The following EFHC2 variants were observed in gnomAD, a reference collection of about 807,000 sequenced individuals.
EFHC2 encodes the protein EF-hand domain-containing family member C2.
In EFHC2, 18 loss-of-function variants were observed where a neutral mutation model predicts 52.7. The ratio of observed to expected loss-of-function variants is 0.34; its 90% CI spans 0.24 to 0.51. EFHC2 has a LOEUF of 0.51. EFHC2 is among the 20% of genes least tolerant of loss of function. The pLI is 0.97. For synonymous variants in EFHC2, 203 were observed against 204.1 expected, an observed-to-expected ratio of 0.99 and a Z score of 0.04; for missense variants, 513 against 562.5, an observed-to-expected ratio of 0.91 and a Z score of 0.89.
At chrX:44,216,028 C>T (rs7892253) in intron 11 of EFHC2, among the ~76,000 whole-genome samples, 7,232 of 112,046 alleles carry the variant, frequency 0.065, 581 homozygotes, top group African/African-American at 0.22. Context: ...AAGCCATGAC[C>T]TTGAGGCACT....
chrX:44,295,208 A>G (rs1447752064), intron 2 of EFHC2, among the ~76,000 whole-genome samples: 1 of 111,756 alleles, frequency 8.9e-6, no homozygotes, highest in African/African-American at 3.3e-5. Flanking sequence ...GAAGAGTAAT[A>G]AGGGTTTATG....
intron 11 of EFHC2, among the ~76,000 whole-genome samples, chrX:44,217,077 C>A (rs1305537474): frequency 1.8e-5 from 2 of 111,820 alleles, no homozygotes; most frequent in Non-Finnish European, 3.8e-5. Context: ...ATACACATTT[C>A]TCAAAAGAAG....
intron 4 of EFHC2, among the ~76,000 whole-genome samples, chrX:44,256,493 T>C (rs931787436): frequency 1.3e-4 from 14 of 111,619 alleles, no homozygotes; most frequent in African/African-American, 4.6e-4. Context: ...CAAACTACCA[T>C]CAGAGAATAT....
intron 2 of EFHC2, chrX:44,309,426 C>A: frequency 9.5e-7 from 1 of 1,048,253 alleles, no homozygotes; most frequent in South Asian, 1.9e-5. Context: ...GTGAAATATT[C>A]TCCGTAAAGT....
intron 2 of EFHC2, among the ~76,000 whole-genome samples, chrX:44,294,516 A>ATT (rs1569302806): frequency 9.0e-6 from 1 of 111,073 alleles, no homozygotes; most frequent in African/African-American, 3.3e-5. Context: ...TTTTAATGGG[A>ATT]TTTTAATGAT....
chrX:44,263,252 A>G (rs895361443), intron 3 of EFHC2, among the ~76,000 whole-genome samples: 2 of 112,394 alleles, frequency 1.8e-5, no homozygotes, highest in African/African-American at 6.5e-5. Flanking sequence ...AAAGATGTCA[A>G]CCTATCTTCT....
At chrX:44,197,978 G>A (rs769817366) in intron 11 of EFHC2, among the ~76,000 whole-genome samples, 39 of 111,933 alleles carry the variant, frequency 3.5e-4, no homozygotes, top group Non-Finnish European at 7.1e-4. Context: ...CACTAACCAG[G>A]TCATTTGTTA....
At chrX:44,207,309 C>G (rs2037055943) in intron 11 of EFHC2, among the ~76,000 whole-genome samples, 1 of 111,562 alleles carries the variant, frequency 9.0e-6, no homozygotes, top group South Asian at 3.8e-4. Flanking sequence ...GCCAGGAGTT[C>G]AAAACCAGCC....
intron 3 of EFHC2, among the ~76,000 whole-genome samples, chrX:44,271,051 C>T (rs2037613453): frequency 8.9e-6 from 1 of 111,803 alleles, no homozygotes; most frequent in Non-Finnish European, 1.9e-5. Context: ...ATCTCTTTCC[C>T]TCTTTCTTCT....
chrX:44,246,416 T>G (rs1485065288), intron 7 of EFHC2, among the ~76,000 whole-genome samples: 1 of 112,485 alleles, frequency 8.9e-6, no homozygotes, highest in Non-Finnish European at 1.9e-5. Context: ...ATATAAAAAG[T>G]CAGTGTGACT....
intron 11 of EFHC2, among the ~76,000 whole-genome samples, chrX:44,228,069 T>G (rs1311855642): frequency 8.9e-6 from 1 of 112,290 alleles, no homozygotes; most frequent in Non-Finnish European, 1.9e-5. Flanking sequence ...GATCTTATTG[T>G]GAGGACAATG....
chrX:44,203,872 G>A (rs1332866652), intron 11 of EFHC2, among the ~76,000 whole-genome samples: 1 of 110,756 alleles, frequency 9.0e-6, no homozygotes, highest in African/African-American at 3.3e-5. Flanking sequence ...TTACAGGTGT[G>A]AGCCACCAAG....
chrX:44,304,988 G>A (rs1373155819), intron 2 of EFHC2, among the ~76,000 whole-genome samples: 5 of 110,871 alleles, frequency 4.5e-5, no homozygotes, highest in South Asian at 3.9e-4. Context: ...CAAGCCAGGC[G>A]TGGTGGCTCA....
At chrX:44,253,331 G>A (rs1432617386) in intron 4 of EFHC2, among the ~76,000 whole-genome samples, 1 of 110,171 alleles carries the variant, frequency 9.1e-6, no homozygotes, top group Non-Finnish European at 1.9e-5. Context: ...GGAGCCAAGT[G>A]GTCTAGCTCA....
intron 4 of EFHC2, among the ~76,000 whole-genome samples, chrX:44,253,746 C>T (rs1412210489): frequency 8.9e-6 from 1 of 112,188 alleles, no homozygotes; most frequent in African/African-American, 3.2e-5. Context: ...GAGCAGCAGA[C>T]CTCCCAGCAC....
intron 11 of EFHC2, among the ~76,000 whole-genome samples, chrX:44,191,324 C>T (rs998481040): frequency 9.0e-6 from 1 of 110,927 alleles, no homozygotes; most frequent in African/African-American, 3.3e-5. Flanking sequence ...TAACCTCCGC[C>T]TCCCGGGTTT....
At chrX:44,315,820 G>A (rs2037979540) in intron 1 of EFHC2, among the ~76,000 whole-genome samples, 1 of 110,924 alleles carries the variant, frequency 9.0e-6, no homozygotes, top group South Asian at 3.8e-4. Flanking sequence ...GGAGAGGGGC[G>A]AATCTGGTAA....
chrX:44,298,197 A>G (rs900575202), intron 2 of EFHC2, among the ~76,000 whole-genome samples: 2 of 111,714 alleles, frequency 1.8e-5, no homozygotes, highest in African/African-American at 3.2e-5. Flanking sequence ...AATGTTTTAA[A>G]GTAAAGGGAT....
chrX:44,248,985 G>T (rs1156825673), intron 5 of EFHC2, 69 bp from the exon 6 acceptor site: 1 of 726,912 alleles, frequency 1.4e-6, no homozygotes. Flanking sequence ...TAACCCCAGG[G>T]CTGGCATAGA....
Sources: gnomAD v4.1 joint callset for allele counts (sites outside exome capture counted in the v4.1 genomes callset) on GRCh38, gnomAD v4.1.1 for gene constraint, MANE v1.5 for transcripts, NCBI Gene and HGNC (gene_info 2026-07-23, HGNC 2026-07-21) for gene names.